Variants in ULK4 observed in about 807,000 individuals in gnomAD.
ULK4 encodes unc-51 like kinase 4.
ULK4 carries 133 observed loss-of-function variants against 160.6 expected under a neutral mutation model. The observed-to-expected ratio is 0.83, with a 90% confidence interval of 0.72 to 0.96. The LOEUF is 0.96. Among genes scored for constraint, ULK4 ranks in the 40% least tolerant of loss-of-function variants. The probability of loss-of-function intolerance (pLI) is 0.00; values close to 1 mark genes in which losing one functional copy is unlikely to be tolerated. For missense variants in ULK4, 1,580 were observed against 1,499.5 expected (o/e 1.05, Z -0.89); for synonymous variants, 534 against 539.8 (o/e 0.99, Z 0.15).
At chr3:41,459,247 T>C (rs2083628404) in intron 33 of ULK4, among the ~76,000 whole-genome samples, 1 of 152,086 alleles carries the variant, frequency 6.6e-6, no homozygotes, top group South Asian at 2.1e-4. Context: ...TTATTTTTAG[T>C]AGAGACAAGA....
chr3:41,802,463 A>AT (rs1308540847), intron 19 of ULK4, among the ~76,000 whole-genome samples: 4 of 151,700 alleles, frequency 2.6e-5, no homozygotes, highest in African/African-American at 9.7e-5. Flanking sequence ...TGCCCAGCCA[A>AT]TTTTTTTTAT....
intron 2 of ULK4, among the ~76,000 whole-genome samples, chr3:41,945,780 G>A (rs1156710570): frequency 6.6e-6 from 1 of 152,124 alleles, no homozygotes; most frequent in Non-Finnish European, 1.5e-5. Context: ...AAATTAAAAT[G>A]CCCGAATCCA....
Position 41,561,057 on chromosome 3 carries a change from A to G in ULK4, c.3226+4968T>C, listed in dbSNP as rs150662897. The stretch of plus-strand genomic sequence containing the variant: ...CGTTCCTTCAATACCTAGTTTATTG[A>G]GAGTTTTTAGCATGAAGGACTGTTG... On this transcript the variant is annotated intron_variant, in intron 32 of 36. Coordinates refer to ENST00000301831, the MANE Select transcript of ULK4 (RefSeq NM_017886.4). Among the ~76,000 whole-genome samples, 633 of 152,292 alleles carry G rather than the reference A, an allele frequency of 4.2e-3. 3 individuals are homozygous for G. The highest frequency in any genetic ancestry group is 7.4e-3 in the Non-Finnish European group (502 of 68,032).
intron 5 of ULK4, among the ~76,000 whole-genome samples, chr3:41,928,734 T>C (rs1699477482): frequency 6.6e-6 from 1 of 150,734 alleles, no homozygotes; most frequent in Non-Finnish European, 1.5e-5. Flanking sequence ...AACTAGAAAA[T>C]CTCGAAGAAA....
At chr3:41,888,839 A>C (rs990478848) in intron 16 of ULK4, among the ~76,000 whole-genome samples, 11 of 152,334 alleles carry the variant, frequency 7.2e-5, no homozygotes, top group African/African-American at 2.6e-4. Context: ...AGAGGCCTCC[A>C]GCCTGCCTAC....
chr3:41,890,625 G>C (rs1697893171), intron 16 of ULK4, among the ~76,000 whole-genome samples: 1 of 150,516 alleles, frequency 6.6e-6, no homozygotes, highest in South Asian at 2.1e-4. Flanking sequence ...GTTGCAGTGA[G>C]CCAAGATCGC....
At chr3:41,612,720 A>C (rs1195914613) in intron 31 of ULK4, among the ~76,000 whole-genome samples, 1 of 152,294 alleles carries the variant, frequency 6.6e-6, no homozygotes, top group East Asian at 1.9e-4. Context: ...TAAGATCTCA[A>C]ATTCAGAATT....
chr3:41,859,644 T>G (rs937222135), intron 17 of ULK4: 1 of 447,594 alleles, frequency 2.2e-6, no homozygotes, highest in Admixed American at 2.7e-5. Context: ...ATTTCCCAAA[T>G]TCCTTCTTTT....
intron 35 of ULK4, among the ~76,000 whole-genome samples, chr3:41,385,378 G>A (rs1168104367): frequency 1.2e-4 from 18 of 152,050 alleles, no homozygotes; most frequent in Non-Finnish European, 2.6e-4. Flanking sequence ...TATCTGCTAG[G>A]ATTACAGGAA....
At chr3:41,765,894 A>G (rs1695197920) in intron 21 of ULK4, among the ~76,000 whole-genome samples, 1 of 152,236 alleles carries the variant, frequency 6.6e-6, no homozygotes, top group South Asian at 2.1e-4. Flanking sequence ...AACAACTGAT[A>G]AAAGGACTCT....
At position 41,859,628 on chromosome 3, in the gene ULK4, C is replaced by T. The variant is rs565277765; in HGVS notation, c.1657-23657G>A. On this transcript the variant is annotated intron_variant, in intron 17 of 36. Coordinates refer to ENST00000301831, the MANE Select transcript of ULK4 (RefSeq NM_017886.4). ...CCTGAGCTGCCAGCCTCTGCCCCAC[C>T]GCTTCATTTCCCAAATTCCTTCTTT... is the stretch of plus-strand genomic sequence containing the variant. 97 of 475,236 alleles carry T rather than the reference C, an allele frequency of 2.0e-4. 2 individuals carry two copies. The highest frequency in any genetic ancestry group is 8.5e-4 in the South Asian group (54 of 63,470). The allele number at this position is 475,236 out of a possible 1,614,324, so 29.4% of individuals were successfully genotyped here. A position where few individuals can be genotyped will look rare whatever the true frequency, so the allele number is the denominator to read the frequency against.
At chr3:41,837,565 C>CTT (rs57798450) in intron 17 of ULK4, among the ~76,000 whole-genome samples, 4 of 145,500 alleles carry the variant, frequency 2.7e-5, no homozygotes, top group Admixed American at 6.9e-5. Context: ...ATATCAATAA[C>CTT]TTTTTTTTTT....
At chr3:41,440,636 T>C (rs1292552745) in intron 34 of ULK4, among the ~76,000 whole-genome samples, 1 of 152,076 alleles carries the variant, frequency 6.6e-6, no homozygotes, top group Non-Finnish European at 1.5e-5. Flanking sequence ...CCATCTTTGG[T>C]TTCTGGTATC....
At chr3:41,573,969 T>A (rs543587235) in intron 31 of ULK4, among the ~76,000 whole-genome samples, 11 of 152,276 alleles carry the variant, frequency 7.2e-5, no homozygotes, top group Admixed American at 2.6e-4. Context: ...CAAGGCTGTG[T>A]CACAGGCAGC....
chr3:41,733,327 T>A (rs1013543061), intron 22 of ULK4, among the ~76,000 whole-genome samples: 1 of 152,070 alleles, frequency 6.6e-6, no homozygotes, highest in Non-Finnish European at 1.5e-5. Context: ...AAAGGTGTTG[T>A]CTCTGAAACC....
At chr3:41,278,200 C>G (rs2079266720) in intron 35 of ULK4, 1 of 152,330 alleles carries the variant, frequency 6.6e-6, no homozygotes, top group African/African-American at 2.4e-5. Context: ...GCTAGCGCAG[C>G]AGTCTGGGAT....
At chr3:41,786,133 G>C (rs1377721491) in intron 21 of ULK4, among the ~76,000 whole-genome samples, 2 of 152,126 alleles carry the variant, frequency 1.3e-5, no homozygotes, top group Non-Finnish European at 2.9e-5. Context: ...CCTGTTCTAT[G>C]TTCTTCAGGA....
intron 34 of ULK4, among the ~76,000 whole-genome samples, chr3:41,438,177 C>G (rs952179278): frequency 6.0e-5 from 9 of 149,184 alleles, no homozygotes; most frequent in Non-Finnish European, 1.2e-4. Context: ...AAATAATTAT[C>G]GAGAAATACC....
At chr3:41,306,411 C>A (rs1001398762) in intron 35 of ULK4, among the ~76,000 whole-genome samples, 10 of 144,176 alleles carry the variant, frequency 6.9e-5, no homozygotes, top group African/African-American at 2.5e-4. Flanking sequence ...CTCTGCCCGG[C>A]CGCCCCTACT....
Sources: allele counts gnomAD v4.1 joint callset (sites outside exome capture counted in the v4.1 genomes callset), GRCh38; gene constraint gnomAD v4.1.1; transcripts MANE v1.5; gene names NCBI Gene and HGNC (gene_info 2026-07-23, HGNC 2026-07-21).